ASMTL: variants seen among roughly 807,000 people sequenced by gnomAD.
ASMTL encodes acetylserotonin O-methyltransferase like, also known as probable bifunctional dTTP/UTP pyrophosphatase/methyltransferase protein.
Under a neutral mutation model 60.3 loss-of-function variants are expected in ASMTL, and 57 were observed. The observed-to-expected ratio is 0.95, with a 90% CI of 0.76 to 1.18. ASMTL has a LOEUF of 1.18. ASMTL is among the 50% of genes most tolerant of loss of function. The probability of loss-of-function intolerance (pLI) is 0.00; values close to 1 mark genes in which losing one functional copy is unlikely to be tolerated. For missense variants in ASMTL, 981 were observed against 852.6 expected (o/e 1.15, Z -1.88); for synonymous variants, 419 against 373.0 (o/e 1.12, Z -1.42).
At chrX:1,441,130 C>T (rs1157132162) in intron 2 of ASMTL, among the ~76,000 whole-genome samples, 2 of 151,880 alleles carry the variant, frequency 1.3e-5, no homozygotes, top group Non-Finnish European at 2.9e-5. Flanking sequence ...TACTTAGTGG[C>T]ATGGTAATAA....
chrX:1,407,197 G>A (rs1408569498), intron 12 of ASMTL, among the ~76,000 whole-genome samples: 3 of 150,466 alleles, frequency 2.0e-5, no homozygotes, highest in African/African-American at 7.3e-5. Flanking sequence ...GCATGGATGA[G>A]ATGGATGGCT....
At chrX:1,417,382 C>G (rs757952677) in intron 11 of ASMTL, among the ~76,000 whole-genome samples, 1 of 148,022 alleles carries the variant, frequency 6.8e-6, no homozygotes, top group East Asian at 2.0e-4. Flanking sequence ...TATGCAACCA[C>G]ACACCACAGA....
rs748405341 is a variant in ASMTL, at chrX:1,442,947, G to A, written c.94-630C>T. On this transcript the variant is annotated intron_variant, in intron 1 of 12. Transcript: ENST00000381317. ...ACCCTGCCAGGGTGCAGGGAACTCC[G>A]CATCTCCCCTCTGACCATCTCCCCT... 1.8e-3 allele frequency among the ~76,000 whole-genome samples: 268 copies of A among 152,276 alleles called. 1 individual carries two copies. Among genetic ancestry groups the A allele is most frequent in the African/African-American group, 5.9e-3 (245 of 41,558 alleles).
chrX:1,442,422 C>T (rs1418415719), intron 1 of ASMTL, 105 bp from the exon 2 acceptor site: 75 of 1,313,796 alleles, frequency 5.7e-5, no homozygotes, highest in Non-Finnish European at 7.2e-5. Flanking sequence ...CTACACTCCC[C>T]GACCCTGTCC....
chrX:1,432,680 T>A (rs1260107753), intron 5 of ASMTL, among the ~76,000 whole-genome samples: 4 of 151,224 alleles, frequency 2.6e-5, no homozygotes, highest in African/African-American at 9.7e-5. Flanking sequence ...ATACAAAAAA[T>A]TAGCCAGGCC....
chrX:1,412,762 G>A lies in ASMTL; in HGVS notation c.1615C>T (p.Leu539Phe). The change falls in exon 12 of 13, where the codon CTC (leucine) becomes TTC (phenylalanine). Residue 539 changes from leucine (L) to phenylalanine (F), a missense_variant. Physicochemically the swap from Leu to Phe is conservative, Grantham distance 22. Coordinates refer to ENST00000381317, the MANE Select transcript of ASMTL (RefSeq NM_004192.4). ...DWPDDKVHKL[L>F]SRVAESCKPG... is the part of the protein sequence containing the mutation. The stretch of plus-strand genomic sequence containing the variant: ...TTGCAGCTCTCGGCGACCCTGCTGA[G>A]TAACTTGTGGACTTTGTCGTCTGGC... 1 of 1,614,022 alleles carries A rather than the reference G, an allele frequency of 6.2e-7. No homozygotes were observed. Among genetic ancestry groups the A allele is most frequent in the Non-Finnish European group, 8.5e-7 (1 of 1,179,874 alleles).
intron 1 of ASMTL, among the ~76,000 whole-genome samples, chrX:1,443,561 C>T (rs1229692505): frequency 1.3e-5 from 2 of 151,868 alleles, no homozygotes; most frequent in East Asian, 1.9e-4. Context: ...CCATCTTGGA[C>T]ACACACCGCC....
intron 2 of ASMTL, among the ~76,000 whole-genome samples, chrX:1,440,040 T>C (rs2091068923): frequency 6.6e-6 from 1 of 151,532 alleles, no homozygotes; most frequent in South Asian, 2.1e-4. Flanking sequence ...TACTCCTGTC[T>C]TGATAGCACG....
chrX:1,435,070 C>G lies in ASMTL; in HGVS notation c.352G>C (p.Glu118Gln). The change falls in exon 5 of 13, where the codon GAA becomes CAA. Residue 118 changes from glutamate (E) to glutamine (Q), a missense_variant. Transcript: ENST00000381317. Reference sequence around the variant, plus strand: ...GCGACACCTGTGAACACGCTGTGTTCTCTCCCACTCAACCTGTAAGACAAC... The same window carrying G: ...GCGACACCTGTGAACACGCTGTGTTGTCTCCCACTCAACCTGTAAGACAAC... ...YRMLSRLSGR[E>Q]HSVFTGVAIV... is the part of the protein sequence containing the mutation. 1 of 1,613,974 alleles carries G rather than the reference C, an allele frequency of 6.2e-7. No homozygotes were observed. The highest frequency in any genetic ancestry group is 8.5e-7 in the Non-Finnish European group (1 of 1,179,864).
intron 3 of ASMTL, among the ~76,000 whole-genome samples, chrX:1,437,544 A>G (rs1344517671): frequency 1.3e-5 from 2 of 151,934 alleles, no homozygotes; most frequent in African/African-American, 2.4e-5. Flanking sequence ...TCTTCTTATG[A>G]GATGTCTTAG....
chrX:1,438,909 G>A lies in ASMTL; in HGVS notation c.273+188C>T, dbSNP rs2091040035. On this transcript the variant is annotated intron_variant, in intron 3 of 12. Transcript: ENST00000381317. Reference sequence around the variant, plus strand: ...CCCAAAATGCTGGGATGACAGGGGTGAGCCACGGCGCCTGGCCCCTTCCCG... The same window carrying A: ...CCCAAAATGCTGGGATGACAGGGGTAAGCCACGGCGCCTGGCCCCTTCCCG... 2.0e-5 allele frequency among the ~76,000 whole-genome samples: 3 copies of A among 152,194 alleles called. No individual in the cohort carries two copies. In the South Asian group the frequency reaches 6.2e-4, roughly 31 times the overall value.
chrX:1,403,648 GAC>G (rs2089678746), intron 12 of ASMTL, 159 bp from the exon 13 acceptor site: 1 of 638,730 alleles, frequency 1.6e-6, no homozygotes, highest in Non-Finnish European at 2.8e-6. Flanking sequence ...AGGGGAGAGA[GAC>G]AGAGACTTGA....
intron 3 of ASMTL, among the ~76,000 whole-genome samples, chrX:1,437,351 A>G (rs28824898): frequency 0.075 from 11,184 of 149,572 alleles, 1,331 homozygotes; most frequent in African/African-American, 0.26. Flanking sequence ...ACAATACTAT[A>G]GACTGGGTGG....
At chrX:1,427,402 A>G (rs4403567) in intron 7 of ASMTL, among the ~76,000 whole-genome samples, 96,513 of 151,728 alleles carry the variant, frequency 0.64, 31,844 homozygotes, top group East Asian at 0.83. Context: ...CTCAAGAGGA[A>G]ATCATCACGA....
chrX:1,433,288 GT>G (rs1209776536), intron 5 of ASMTL, among the ~76,000 whole-genome samples: 1 of 151,918 alleles, frequency 6.6e-6, no homozygotes, highest in African/African-American at 2.4e-5. Context: ...GCAGGCTTTG[GT>G]TGTCATGGGA....
intron 5 of ASMTL, 61 bp from the exon 6 acceptor site, chrX:1,432,438 C>G: frequency 7.7e-7 from 1 of 1,306,056 alleles, no homozygotes; most frequent in Admixed American, 1.8e-5. Flanking sequence ...CGTGCCCTGA[C>G]AGCTGCGTGG....
intron 2 of ASMTL, among the ~76,000 whole-genome samples, chrX:1,441,436 C>A (rs1333502278): frequency 1.1e-4 from 16 of 152,064 alleles, no homozygotes; most frequent in Non-Finnish European, 1.0e-4. Flanking sequence ...GCCACCACGC[C>A]CAGCTAATTT....
Position 1,433,942 on chromosome X carries a change from G to C in ASMTL, c.400+1080C>G, listed in dbSNP as rs138318322. On this transcript the variant is annotated intron_variant, in intron 5 of 12. Coordinates refer to ENST00000381317, the MANE Select transcript of ASMTL (RefSeq NM_004192.4). The stretch of plus-strand genomic sequence containing the variant: ...AATGACCCAACCTGAGCAGGTGCTT[G>C]CAGGAGCCAGCAGTGAGCGGCAGGT... 8.9e-3 allele frequency among the ~76,000 whole-genome samples: 1,353 copies of C among 152,312 alleles called. 10 individuals carry two copies. The highest frequency in any genetic ancestry group is 0.043 in the South Asian group (208 of 4,828).
At chrX:1,433,869 A>G (rs2090884695) in intron 5 of ASMTL, among the ~76,000 whole-genome samples, 1 of 151,906 alleles carries the variant, frequency 6.6e-6, no homozygotes, top group South Asian at 2.1e-4. Flanking sequence ...ACAAAACCCC[A>G]AGCTGGGAAG....
Sources: gnomAD v4.1 joint callset for allele counts (sites outside exome capture counted in the v4.1 genomes callset) on GRCh38, gnomAD v4.1.1 for gene constraint, MANE v1.5 for transcripts, NCBI Gene and HGNC (gene_info 2026-07-23, HGNC 2026-07-21) for gene names.